The following TMEM132B variants were observed in gnomAD, a reference collection of about 807,000 sequenced individuals.
The protein encoded by TMEM132B is transmembrane protein 132B.
TMEM132B carries 18 observed loss-of-function variants against 90.8 expected under a neutral mutation model. The observed-to-expected ratio is 0.20, with a 90% CI of 0.14 to 0.29. The LOEUF is 0.29. TMEM132B is among the 10% of genes least tolerant of loss of function. TMEM132B has a pLI of 1.00. For missense variants in TMEM132B, 1,096 were observed against 1,326.8 expected, an observed-to-expected ratio of 0.83 and a Z score of 2.70; for synonymous variants, 504 against 523.3, an observed-to-expected ratio of 0.96 and a Z score of 0.50.
chr12:125,369,574 A>C (rs1878232773), intron 2 of TMEM132B, among the ~76,000 whole-genome samples: 1 of 152,204 alleles, frequency 6.6e-6, no homozygotes, highest in Non-Finnish European at 1.5e-5. Flanking sequence ...GACAAAGATG[A>C]GACTTAAAAA....
rs1879549576 is a variant in TMEM132B at position 125,407,857 on chromosome 12, C to G, written c.960-7674C>G. ...GTCCTCCTGGCTCTGACTTACGTCCCTGTTACAATGCACTTGCTCTGTTTT... is the reference window on the plus strand; with the variant it reads ...GTCCTCCTGGCTCTGACTTACGTCCGTGTTACAATGCACTTGCTCTGTTTT... On this transcript the variant is annotated intron_variant, in intron 2 of 8. Transcript: ENST00000682704. The surrounding 1 kb of genome is among the most constrained non-coding windows in gnomAD (Gnocchi z 6.7). Among the ~76,000 whole-genome samples the G allele has an allele frequency of 6.6e-6, 1 of 152,246 alleles. No individual in the cohort carries two copies. The highest frequency in any genetic ancestry group is 2.4e-5 in the African/African-American group (1 of 41,474).
At chr12:125,527,396 C>G (rs1293287922) in intron 4 of TMEM132B, among the ~76,000 whole-genome samples, 1 of 145,142 alleles carries the variant, frequency 6.9e-6, no homozygotes, top group African/African-American at 2.6e-5. Flanking sequence ...ACCCATCCAC[C>G]CATCCAGCCT....
At chr12:125,645,947 G>T (rs12312883) in intron 6 of TMEM132B, among the ~76,000 whole-genome samples, 2,625 of 152,304 alleles carry the variant, frequency 0.017, 96 homozygotes, top group African/African-American at 0.061. Flanking sequence ...CATGGAAAAA[G>T]CCTCAACTGC....
chr12:125,544,092 C>T (rs1884027176), intron 4 of TMEM132B, among the ~76,000 whole-genome samples: 17 of 152,144 alleles, frequency 1.1e-4, no homozygotes, highest in Admixed American at 1.1e-3. Context: ...GGCAAACTAA[C>T]ACAGAAACAG....
At chr12:125,240,900 C>T (rs763529967) in intron 1 of TMEM132B, among the ~76,000 whole-genome samples, 76 of 152,228 alleles carry the variant, frequency 5.0e-4, no homozygotes, top group Non-Finnish European at 1.0e-3. Flanking sequence ...ACGGAGAGCA[C>T]GTGCTCAATG....
At chr12:125,638,108 G>A (rs565359501) in intron 5 of TMEM132B, among the ~76,000 whole-genome samples, 2 of 152,320 alleles carry the variant, frequency 1.3e-5, no homozygotes, top group Admixed American at 1.3e-4. Context: ...CCTTGCCTGG[G>A]CTGCACTGAA....
intron 4 of TMEM132B, among the ~76,000 whole-genome samples, chr12:125,578,932 T>A (rs1884991914): frequency 6.6e-6 from 1 of 152,120 alleles, no homozygotes. Flanking sequence ...TCTCTCTGAG[T>A]TTATTCTATT....
intron 3 of TMEM132B, among the ~76,000 whole-genome samples, chr12:125,417,800 C>T (rs1880058156): frequency 6.6e-6 from 1 of 152,170 alleles, no homozygotes; most frequent in South Asian, 2.1e-4. Context: ...GCTGCTGTCC[C>T]CAGATAGGCC....
At chr12:125,607,625 A>G (rs1483409777) in intron 5 of TMEM132B, among the ~76,000 whole-genome samples, 1 of 152,256 alleles carries the variant, frequency 6.6e-6, no homozygotes, top group East Asian at 1.9e-4. Context: ...CATATAAAAT[A>G]TGGACTGTCA....
At chr12:125,631,956 T>C (rs116614085) in intron 5 of TMEM132B, among the ~76,000 whole-genome samples, 3,324 of 152,014 alleles carry the variant, frequency 0.022, 127 homozygotes, top group African/African-American at 0.073. Context: ...TGTTTTTTTA[T>C]TGAAGAGTTT....
chr12:125,417,594 G>T (rs893067103), intron 3 of TMEM132B, among the ~76,000 whole-genome samples: 3 of 152,196 alleles, frequency 2.0e-5, no homozygotes, highest in African/African-American at 4.8e-5. Flanking sequence ...TATCAGGTGG[G>T]TTTGTGTCCC....
intron 3 of TMEM132B, among the ~76,000 whole-genome samples, chr12:125,485,999 T>A (rs1882191254): frequency 1.3e-5 from 2 of 152,212 alleles, no homozygotes; most frequent in Non-Finnish European, 2.9e-5. Context: ...AAGAAAATAA[T>A]GCATCTCTCT....
chr12:125,625,609 C>T (rs1015649191), intron 5 of TMEM132B, among the ~76,000 whole-genome samples: 4 of 152,204 alleles, frequency 2.6e-5, no homozygotes, highest in African/African-American at 9.6e-5. Context: ...CTTCTGAACA[C>T]ATCTGCTATA....
chr12:125,498,981 T>C lies in TMEM132B; in HGVS notation c.1107-20458T>C, dbSNP rs111410917. On this transcript the variant is annotated intron_variant, in intron 3 of 8. Transcript: ENST00000682704. The surrounding 1 kb of genome is among the most constrained non-coding windows in gnomAD (Gnocchi z 4.5). Reference sequence around the variant, plus strand: ...TAATCTCTATAGGATTGTCCTTTGCTTTTGAGATTGCTTTTGAGTAAGTCC... The same window carrying C: ...TAATCTCTATAGGATTGTCCTTTGCCTTTGAGATTGCTTTTGAGTAAGTCC... 0.011 allele frequency among the ~76,000 whole-genome samples: 1,699 copies of C among 152,338 alleles called. 32 individuals are homozygous for C. The highest frequency in any genetic ancestry group is 0.039 in the African/African-American group (1,610 of 41,574).
At chr12:125,339,272 G>C (rs1426809271) in intron 1 of TMEM132B, among the ~76,000 whole-genome samples, 1 of 152,218 alleles carries the variant, frequency 6.6e-6, no homozygotes, top group African/African-American at 2.4e-5. Flanking sequence ...GAGGCTGGAA[G>C]TCCAAGACCA....
chr12:125,621,153 G>A (rs1886103083), intron 5 of TMEM132B, among the ~76,000 whole-genome samples: 1 of 152,080 alleles, frequency 6.6e-6, no homozygotes, highest in African/African-American at 2.4e-5. Context: ...ACCTTGAATG[G>A]GTCACGTTTA....
intron 4 of TMEM132B, among the ~76,000 whole-genome samples, chr12:125,561,372 G>C (rs920316990): frequency 3.7e-4 from 56 of 152,068 alleles, no homozygotes; most frequent in African/African-American, 1.2e-3. Context: ...GGCCTGTCAG[G>C]GGGTAGGGGG....
chr12:125,437,553 G>T (rs1173019160), intron 3 of TMEM132B, among the ~76,000 whole-genome samples: 5 of 151,108 alleles, frequency 3.3e-5, no homozygotes, highest in Non-Finnish European at 7.4e-5. Flanking sequence ...TCCTACCAGC[G>T]ATGTAAGAGG....
chr12:125,399,836 C>T (rs1879265855), intron 2 of TMEM132B, among the ~76,000 whole-genome samples: 1 of 152,142 alleles, frequency 6.6e-6, no homozygotes, highest in Non-Finnish European at 1.5e-5. Flanking sequence ...GAAAATATTG[C>T]ATTGTAGAAG....
Sources: gnomAD v4.1 joint callset for allele counts (sites outside exome capture counted in the v4.1 genomes callset) on GRCh38, gnomAD v4.1.1 for gene constraint, Gnocchi (gnomAD v3.1) non-coding constraint, MANE v1.5 for transcripts, NCBI Gene and HGNC (gene_info 2026-07-23, HGNC 2026-07-21) for gene names.